The following ADGB variants were observed in gnomAD, a reference collection of about 807,000 sequenced individuals.
The protein encoded by ADGB is androglobin, also known as calpain-7-like protein.
A neutral mutation model predicts 210.5 loss-of-function variants in ADGB; 172 were observed. The ratio of observed to expected loss-of-function variants is 0.82; its 90% CI spans 0.72 to 0.93. The LOEUF is 0.93. Ranked by LOEUF, ADGB falls within the 40% of genes least tolerant of loss-of-function variation. The pLI is 0.00. For synonymous variants in ADGB, 658 were observed against 662.7 expected, an observed-to-expected ratio of 0.99 and a Z score of 0.11; for missense variants, 2,025 against 1,964.8, an observed-to-expected ratio of 1.03 and a Z score of -0.58.
rs1041336056 is a variant in ADGB at position 146,728,618 on chromosome 6, T to C, written c.2397T>C (p.Ala799=). The C allele has an allele frequency of 6.4e-7, 1 of 1,551,558 alleles. No individual in the cohort carries two copies. Among genetic ancestry groups the C allele is most frequent in the Non-Finnish European group, 8.7e-7 (1 of 1,146,962 alleles). Residue 799 remains alanine (A), a synonymous_variant, in exon 20 of 36, where the codon GCT becomes GCC. Coordinates refer to ENST00000397944, the MANE Select transcript of ADGB (RefSeq NM_024694.4). ...FTEQSLLIMK[A]IGNVIANFKD... ...AACAGTCTCTGTTGATTATGAAAGC[T>C]ATTGGAAATGTGATTGCTAATTTCA...
intron 1 of ADGB, among the ~76,000 whole-genome samples, chr6:146,605,796 G>A (rs1780622884): frequency 6.6e-6 from 1 of 152,204 alleles, no homozygotes; most frequent in Admixed American, 6.5e-5. Context: ...TTTTCATAGA[G>A]CCTTTAGTTC....
At chr6:146,690,470 T>G (rs1776288230) in intron 10 of ADGB, among the ~76,000 whole-genome samples, 1 of 152,226 alleles carries the variant, frequency 6.6e-6, no homozygotes, top group Admixed American at 6.5e-5. Flanking sequence ...TTTTATTTCC[T>G]TTGGCATTGT....
At chr6:146,766,782 A>G (rs564377363) in intron 28 of ADGB, among the ~76,000 whole-genome samples, 1 of 152,274 alleles carries the variant, frequency 6.6e-6, no homozygotes, top group East Asian at 1.9e-4. Context: ...GATAAAGGTA[A>G]CACAAAAAGG....
intron 9 of ADGB, among the ~76,000 whole-genome samples, chr6:146,683,557 A>G (rs1285571021): frequency 6.6e-6 from 1 of 152,104 alleles, no homozygotes; most frequent in Non-Finnish European, 1.5e-5. Context: ...AACATTACAT[A>G]TTACAATCCC....
At chr6:146,621,880 A>C (rs1302956669) in intron 1 of ADGB, among the ~76,000 whole-genome samples, 3 of 152,100 alleles carry the variant, frequency 2.0e-5, no homozygotes, top group Non-Finnish European at 2.9e-5. Context: ...ATGTATGTAC[A>C]TGCACTTTCA....
intron 7 of ADGB, 72 bp downstream of exon 7, chr6:146,666,974 C>A: frequency 1.6e-6 from 2 of 1,240,598 alleles, no homozygotes; most frequent in Non-Finnish European, 1.1e-6. Context: ...ATATTCCTAG[C>A]CTTTAAGAAA....
intron 29 of ADGB, among the ~76,000 whole-genome samples, chr6:146,776,392 A>T (rs2114638333): frequency 6.6e-6 from 1 of 152,230 alleles, no homozygotes; most frequent in East Asian, 1.9e-4. Flanking sequence ...TCAACATTAT[A>T]CTAAATGAAA....
At chr6:146,736,268 A>G (rs1777076937) in intron 22 of ADGB, among the ~76,000 whole-genome samples, 1 of 152,152 alleles carries the variant, frequency 6.6e-6, no homozygotes, top group Admixed American at 6.5e-5. Flanking sequence ...AATATTCTAA[A>G]ACTTTAAATT....
intron 13 of ADGB, among the ~76,000 whole-genome samples, chr6:146,712,694 A>AT (rs1261570360): frequency 6.6e-6 from 1 of 151,682 alleles, no homozygotes; most frequent in Non-Finnish European, 1.5e-5. Flanking sequence ...AATGTACTTG[A>AT]TTTTTTTCTC....
chr6:146,729,376 T>C (rs1776946461), intron 20 of ADGB, among the ~76,000 whole-genome samples: 1 of 152,216 alleles, frequency 6.6e-6, no homozygotes, highest in African/African-American at 2.4e-5. Flanking sequence ...AGTTCTTCTT[T>C]AAATGTTTTG....
At chr6:146,607,378 C>G (rs1356287151) in intron 1 of ADGB, among the ~76,000 whole-genome samples, 2 of 152,164 alleles carry the variant, frequency 1.3e-5, no homozygotes, top group African/African-American at 4.8e-5. Flanking sequence ...ATTTGTATGC[C>G]TTTTATTTAT....
At chr6:146,758,953 TG>T (rs1299857788) in intron 27 of ADGB, among the ~76,000 whole-genome samples, 1 of 152,002 alleles carries the variant, frequency 6.6e-6, no homozygotes, top group African/African-American at 2.4e-5. Flanking sequence ...AACAGGGTGT[TG>T]TTTTTAAATT....
At chr6:146,637,309 C>T (rs1055143251) in intron 2 of ADGB, among the ~76,000 whole-genome samples, 5 of 151,952 alleles carry the variant, frequency 3.3e-5, no homozygotes, top group Admixed American at 6.6e-5. Context: ...AGGATATTGC[C>T]TAGGGCTGCT....
chr6:146,715,743 TA>T (rs1776723010), intron 14 of ADGB, among the ~76,000 whole-genome samples: 1 of 152,022 alleles, frequency 6.6e-6, no homozygotes, highest in Non-Finnish European at 1.5e-5. Context: ...AATTCAAAAT[TA>T]TATATATATT....
At chr6:146,675,840 G>A (rs1282755407) in intron 8 of ADGB, among the ~76,000 whole-genome samples, 1 of 152,138 alleles carries the variant, frequency 6.6e-6, no homozygotes, top group Non-Finnish European at 1.5e-5. Context: ...TGGGACTTTG[G>A]TTGGAATCTG....
At chr6:146,667,298 A>C (rs1775949641) in intron 7 of ADGB, among the ~76,000 whole-genome samples, 1 of 152,020 alleles carries the variant, frequency 6.6e-6, no homozygotes, top group African/African-American at 2.4e-5. Context: ...AAGGCAAATA[A>C]ATGATAGATA....
chr6:146,755,314 C>T (rs1777390792), intron 27 of ADGB, among the ~76,000 whole-genome samples: 1 of 152,006 alleles, frequency 6.6e-6, no homozygotes, highest in Non-Finnish European at 1.5e-5. Context: ...CTTTGTGCCC[C>T]ACCCAAATCT....
chr6:146,803,603 T>C, intron 35 of ADGB: 1 of 1,357,594 alleles, frequency 7.4e-7, no homozygotes, highest in East Asian at 2.3e-5. Flanking sequence ...TCCTTCATGT[T>C]CTTATCAGTG....
rs1387815345 is a variant in ADGB, at chr6:146,672,213, C to T, written c.840-7C>T. 4 of 1,452,304 alleles carry T rather than the reference C, an allele frequency of 2.8e-6. No individual in the cohort carries two copies. The highest frequency in any genetic ancestry group is 5.2e-5 in the East Asian group (2 of 38,524). 90.0% of individuals were successfully genotyped at this position (1,452,304 alleles called of 1,614,324 possible). The stretch of plus-strand genomic sequence containing the variant: ...TTGGAAATTAATGTTTTTGTCTTTT[C>T]TCTTAGCCCGGGATATATGGACAAA... On this transcript the variant is annotated splice_region_variant and splice_polypyrimidine_tract_variant and intron_variant, in intron 7 of 35. Coordinates refer to ENST00000397944, the MANE Select transcript of ADGB (RefSeq NM_024694.4).
Sources: gnomAD v4.1 joint callset for allele counts (sites outside exome capture counted in the v4.1 genomes callset) on GRCh38, gnomAD v4.1.1 for gene constraint, MANE v1.5 for transcripts, NCBI Gene and HGNC (gene_info 2026-07-23, HGNC 2026-07-21) for gene names.